The following DCC variants were observed in gnomAD, a reference collection of about 807,000 sequenced individuals.
The protein encoded by DCC is DCC netrin 1 receptor.
In DCC, 58 loss-of-function variants were observed where a neutral mutation model predicts 172.5. That is an observed-to-expected ratio of 0.34 (90% CI 0.27 to 0.42). The LOEUF is 0.42. Ranked by LOEUF, DCC falls within the 10% of genes least tolerant of loss-of-function variation. DCC has a pLI of 1.00. For synonymous variants in DCC, 709 were observed against 644.5 expected (o/e 1.10, Z -1.52); for missense variants, 1,740 against 1,791.0 (o/e 0.97, Z 0.51).
chr18:53,013,523 C>T (rs1434316791), intron 5 of DCC, among the ~76,000 whole-genome samples: 1 of 151,736 alleles, frequency 6.6e-6, no homozygotes, highest in Non-Finnish European at 1.5e-5. Flanking sequence ...GGGAACATCA[C>T]ACAACAGGGC....
At chr18:53,181,335 T>C (rs1293969984) in intron 9 of DCC, among the ~76,000 whole-genome samples, 2 of 152,100 alleles carry the variant, frequency 1.3e-5, no homozygotes, top group African/African-American at 4.8e-5. Flanking sequence ...GAGCATTTTT[T>C]TTCCCCTTGA....
chr18:53,476,863 T>C (rs943866880), intron 25 of DCC, among the ~76,000 whole-genome samples: 5 of 152,156 alleles, frequency 3.3e-5, no homozygotes, highest in South Asian at 2.1e-4. Context: ...GTGTATATTA[T>C]AATTCAATGA....
At chr18:52,829,587 TC>T (rs1156850236) in intron 2 of DCC, among the ~76,000 whole-genome samples, 3 of 152,014 alleles carry the variant, frequency 2.0e-5, no homozygotes, top group African/African-American at 7.3e-5. Flanking sequence ...AGTTCAAGAG[TC>T]TGACAGGACC....
At chr18:52,585,212 T>C (rs1358016522) in intron 1 of DCC, among the ~76,000 whole-genome samples, 2 of 152,230 alleles carry the variant, frequency 1.3e-5, no homozygotes, top group Non-Finnish European at 2.9e-5. Flanking sequence ...GAGTGTTTTC[T>C]TTGGGAAGAC....
At chr18:52,712,814 A>C (rs1254848299) in intron 1 of DCC, among the ~76,000 whole-genome samples, 1 of 152,224 alleles carries the variant, frequency 6.6e-6, no homozygotes, top group Admixed American at 6.5e-5. Context: ...TGGCAAAGGC[A>C]GAGGGAGAGC....
intron 8 of DCC, 93 bp downstream of exon 8, chr18:53,157,605 C>A: frequency 2.3e-6 from 3 of 1,315,956 alleles, no homozygotes; most frequent in Non-Finnish European, 3.2e-6. Flanking sequence ...TGGGCAGGAA[C>A]TTTGGAGAGG....
At chr18:53,267,471 G>A (rs1473158470) in intron 12 of DCC, among the ~76,000 whole-genome samples, 1 of 151,974 alleles carries the variant, frequency 6.6e-6, no homozygotes, top group African/African-American at 2.4e-5. Context: ...ACAGGCATGA[G>A]CCACTGTGCC....
chr18:53,212,463 G>T (rs1472266539), intron 11 of DCC, among the ~76,000 whole-genome samples: 2 of 152,078 alleles, frequency 1.3e-5, no homozygotes, highest in Non-Finnish European at 2.9e-5. Flanking sequence ...TTGATAGTGA[G>T]AAGGAGGGAG....
chr18:52,415,410 A>G (rs954595468), intron 1 of DCC, among the ~76,000 whole-genome samples: 3 of 152,216 alleles, frequency 2.0e-5, no homozygotes, highest in Admixed American at 1.3e-4. Flanking sequence ...CAAAAAGCCA[A>G]TGCTAATTGC....
At chr18:52,376,054 T>C (rs1035683151) in intron 1 of DCC, among the ~76,000 whole-genome samples, 1 of 152,220 alleles carries the variant, frequency 6.6e-6, no homozygotes, top group Non-Finnish European at 1.5e-5. Flanking sequence ...CTTTAATTTA[T>C]GATTTGGGGA....
At chr18:52,879,360 C>A (rs1283838156) in intron 2 of DCC, among the ~76,000 whole-genome samples, 1 of 147,840 alleles carries the variant, frequency 6.8e-6, no homozygotes, top group Admixed American at 6.8e-5. Context: ...AAGTTATTCT[C>A]CCAATATGTT....
At chr18:53,007,883 A>T (rs1251064362) in intron 5 of DCC, among the ~76,000 whole-genome samples, 1 of 152,108 alleles carries the variant, frequency 6.6e-6, no homozygotes, top group African/African-American at 2.4e-5. Flanking sequence ...TTTGTGACCT[A>T]AAAACCGCCT....
chr18:52,531,583 A>G (rs192007391), intron 1 of DCC, among the ~76,000 whole-genome samples: 1 of 152,148 alleles, frequency 6.6e-6, no homozygotes, highest in African/African-American at 2.4e-5. Flanking sequence ...GACAATTGAA[A>G]TATGTTTCTC....
intron 2 of DCC, among the ~76,000 whole-genome samples, chr18:52,868,742 G>T (rs1320753808): frequency 6.6e-6 from 1 of 152,216 alleles, no homozygotes; most frequent in African/African-American, 2.4e-5. Context: ...ACACTGCTCA[G>T]CTCACACTAC....
intron 27 of DCC, among the ~76,000 whole-genome samples, chr18:53,523,755 C>T (rs982569749): frequency 2.6e-5 from 4 of 151,746 alleles, no homozygotes; most frequent in African/African-American, 4.8e-5. Flanking sequence ...CTGGGCCTGT[C>T]GGAGGGCAGG....
chr18:53,224,161 A>C (rs556646125), intron 12 of DCC, among the ~76,000 whole-genome samples: 58 of 152,312 alleles, frequency 3.8e-4, no homozygotes, highest in African/African-American at 1.4e-3. Context: ...AATCAAGAAC[A>C]GTCATGCGAT....
intron 7 of DCC, among the ~76,000 whole-genome samples, chr18:53,118,901 T>G (rs1321720141): frequency 6.6e-6 from 1 of 151,774 alleles, no homozygotes; most frequent in African/African-American, 2.4e-5. Context: ...CTACTTTAAT[T>G]TTTTTTCCTT....
At chr18:52,799,541 T>C (rs1188993511) in intron 2 of DCC, among the ~76,000 whole-genome samples, 3 of 152,178 alleles carry the variant, frequency 2.0e-5, no homozygotes, top group Non-Finnish European at 4.4e-5. Context: ...AAGTCACATG[T>C]TCATAATCAT....
chr18:52,989,108 TAGAG>T (rs1158866640), intron 5 of DCC, among the ~76,000 whole-genome samples: 1 of 146,104 alleles, frequency 6.8e-6, no homozygotes, highest in Non-Finnish European at 1.6e-5. Flanking sequence ...AGTGGAGGGA[TAGAG>T]AGAATAGTTT....
Sources: gnomAD v4.1 joint callset for allele counts (sites outside exome capture counted in the v4.1 genomes callset) on GRCh38, gnomAD v4.1.1 for gene constraint, MANE v1.5 for transcripts, NCBI Gene and HGNC (gene_info 2026-07-23, HGNC 2026-07-21) for gene names.